The following SSBP3 variants were observed in gnomAD, a reference collection of about 807,000 sequenced individuals.
SSBP3 encodes single-stranded DNA-binding protein 3.
A neutral mutation model predicts 69.6 loss-of-function variants in SSBP3; 5 were observed. The observed-to-expected ratio is 0.07, with a 90% CI of 0.04 to 0.15. SSBP3 has a LOEUF of 0.15. Ranked by LOEUF, SSBP3 falls within the 10% of genes least tolerant of loss-of-function variation. SSBP3 has a pLI of 1.00. For synonymous variants in SSBP3, 196 were observed against 193.4 expected, an observed-to-expected ratio of 1.01 and a Z score of -0.11; for missense variants, 312 against 534.0, an observed-to-expected ratio of 0.58 and a Z score of 4.10.
Position 54,240,902 on chromosome 1 carries a change from T to A in SSBP3, c.856+3A>T. On this transcript the variant is annotated splice_donor_region_variant and intron_variant, in intron 13 of 17. Transcript: ENST00000610401. ...CCCCCACTTTCCCCTCAAGCGCTCT[T>A]ACCTGCGGGACTGGGCATAATGGGT... 6.2e-7 allele frequency: 1 copy of A among 1,611,234 alleles called. No individual in the cohort carries two copies. Among genetic ancestry groups the A allele is most frequent in the Non-Finnish European group, 8.5e-7 (1 of 1,178,452 alleles).
At chr1:54,333,112 T>C (rs1016513190) in intron 4 of SSBP3, among the ~76,000 whole-genome samples, 5 of 152,106 alleles carry the variant, frequency 3.3e-5, no homozygotes, top group Non-Finnish European at 5.9e-5. Flanking sequence ...ACACCACTGC[T>C]TGGGGGTGGG....
chr1:54,393,079 G>C (rs1200632422), intron 4 of SSBP3, among the ~76,000 whole-genome samples: 1 of 152,194 alleles, frequency 6.6e-6, no homozygotes, highest in Non-Finnish European at 1.5e-5. Flanking sequence ...GGCCAAAGTG[G>C]CTGGAGAAAG....
At chr1:54,338,275 A>G (rs1484253718) in intron 4 of SSBP3, among the ~76,000 whole-genome samples, 1 of 152,240 alleles carries the variant, frequency 6.6e-6, no homozygotes, top group Non-Finnish European at 1.5e-5. Context: ...CTTGCCTTGC[A>G]TATGCTAAAG....
Position 54,258,004 on chromosome 1 carries a change from T to G in SSBP3, c.447+65A>C. On this transcript the variant is annotated intron_variant, in intron 6 of 17. Transcript: ENST00000610401. The surrounding 1 kb of genome is among the most constrained non-coding windows in gnomAD (Gnocchi z 4.5). ...CACATTTTGATTTTTGTTTTTCCTC[T>G]GCGGGCTCTCTGCTTCCTCCGCGCC... The G allele has an allele frequency of 1.4e-6, 2 of 1,479,752 alleles. No homozygotes were observed. Among genetic ancestry groups the G allele is most frequent in the Non-Finnish European group, 9.1e-7 (1 of 1,093,450 alleles). The allele number at this position is 1,479,752 out of a possible 1,614,324, so 91.7% of individuals were successfully genotyped here.
intron 7 of SSBP3, among the ~76,000 whole-genome samples, chr1:54,252,972 G>A (rs1644855972): frequency 6.6e-6 from 1 of 152,262 alleles, no homozygotes; most frequent in African/African-American, 2.4e-5. Flanking sequence ...TGAGTGGGGA[G>A]CTCTCCTGCC....
At chr1:54,289,037 CAAAAAAACAAAA>C (rs1221804625) in intron 4 of SSBP3, among the ~76,000 whole-genome samples, 3 of 62,060 alleles carry the variant, frequency 4.8e-5, no homozygotes, top group Non-Finnish European at 8.9e-5. Context: ...AAAAAAAAAA[CAAAAAAACAAAA>C]AAAAAAAACA....
chr1:54,411,972 A>C (rs1022312714), intron 1 of SSBP3, among the ~76,000 whole-genome samples: 1 of 151,022 alleles, frequency 6.6e-6, no homozygotes, highest in Non-Finnish European at 1.5e-5. Context: ...CACTCCCCCA[A>C]CTCCACCTCA....
chr1:54,285,827 G>A (rs1483083857), intron 4 of SSBP3, among the ~76,000 whole-genome samples: 1 of 152,210 alleles, frequency 6.6e-6, no homozygotes, highest in Non-Finnish European at 1.5e-5. Context: ...GTCCCCCACG[G>A]AAGAAGAGAG....
chr1:54,241,425 C>G, intron 12 of SSBP3, 49 bp downstream of exon 12: 1 of 1,605,756 alleles, frequency 6.2e-7, no homozygotes, highest in Non-Finnish European at 8.5e-7. Flanking sequence ...CTCTTGCACA[C>G]TCAGTCCCAC....
At chr1:54,286,677 AC>A (rs1392088499) in intron 4 of SSBP3, 1 of 152,286 alleles carries the variant, frequency 6.6e-6, no homozygotes. Flanking sequence ...CACCAGTCCC[AC>A]CCTAGGAGAT....
chr1:54,239,966 G>GT (rs1181080687), intron 13 of SSBP3, among the ~76,000 whole-genome samples: 1 of 152,064 alleles, frequency 6.6e-6, no homozygotes, highest in Non-Finnish European at 1.5e-5. Context: ...TATTTTTGGG[G>GT]TGGGTAAGGA....
chr1:54,333,403 T>G (rs1230505551), intron 4 of SSBP3, among the ~76,000 whole-genome samples: 1 of 152,130 alleles, frequency 6.6e-6, no homozygotes. Flanking sequence ...GCCATCATCC[T>G]GCCAAAAAAC....
chr1:54,376,466 C>T (rs920849486), intron 4 of SSBP3, among the ~76,000 whole-genome samples: 53 of 152,298 alleles, frequency 3.5e-4, no homozygotes, highest in African/African-American at 1.2e-3. Flanking sequence ...TAACAAGACA[C>T]GCTGCCTGCT....
At chr1:54,400,874 G>A (rs1004615249) in intron 4 of SSBP3, among the ~76,000 whole-genome samples, 15 of 152,316 alleles carry the variant, frequency 9.8e-5, no homozygotes, top group African/African-American at 3.4e-4. Flanking sequence ...GGGCCAAGCA[G>A]GTGGGACCCA....
intron 14 of SSBP3, chr1:54,237,886 A>T (rs1644526776): frequency 2.9e-6 from 1 of 342,740 alleles, no homozygotes; most frequent in African/African-American, 2.1e-5. Flanking sequence ...ACAAGTCCTG[A>T]TGCCAGCATC....
intron 4 of SSBP3, among the ~76,000 whole-genome samples, chr1:54,386,534 T>A (rs1232576199): frequency 6.6e-6 from 1 of 151,950 alleles, no homozygotes; most frequent in Non-Finnish European, 1.5e-5. Context: ...TCATATCCCG[T>A]ATTCCAGTGT....
chr1:54,227,183 G>GC, intron 17 of SSBP3, 23 bp from the exon 18 acceptor site: 3 of 1,158,310 alleles, frequency 2.6e-6, no homozygotes, highest in Non-Finnish European at 2.5e-6. Context: ...AGCAGAGAAG[G>GC]GGGGGGGGTG....
intron 5 of SSBP3, among the ~76,000 whole-genome samples, chr1:54,280,566 T>G (rs1645371917): frequency 6.7e-6 from 1 of 149,012 alleles, no homozygotes; most frequent in Non-Finnish European, 1.5e-5. Context: ...CAAACTCAGC[T>G]GCCGACAGGC....
intron 4 of SSBP3, chr1:54,286,201 C>A (rs964923365): frequency 6.6e-6 from 1 of 152,198 alleles, no homozygotes; most frequent in Admixed American, 6.5e-5. Flanking sequence ...CCCAGGCCTT[C>A]CTTCCTCACC....
Sources: allele counts gnomAD v4.1 joint callset (sites outside exome capture counted in the v4.1 genomes callset), GRCh38; gene constraint gnomAD v4.1.1; non-coding constraint Gnocchi (gnomAD v3.1); transcripts MANE v1.5; gene names NCBI Gene and HGNC (gene_info 2026-07-23, HGNC 2026-07-21).